The following DNAI1 variants were observed in gnomAD, a reference collection of about 807,000 sequenced individuals.
The protein encoded by DNAI1 is dynein, axonemal, intermediate polypeptide 1.
Under a neutral mutation model 92.0 loss-of-function variants are expected in DNAI1, and 67 were observed. That is an observed-to-expected ratio of 0.73 (90% CI 0.60 to 0.89). The LOEUF (loss-of-function observed/expected upper bound fraction) is 0.89, where lower values mean the gene tolerates loss of function less well. Ranked by LOEUF, DNAI1 falls within the 40% of genes least tolerant of loss-of-function variation. DNAI1 has a pLI of 0.00. For missense variants in DNAI1, 839 were observed against 866.6 expected, an observed-to-expected ratio of 0.97 and a Z score of 0.40; for synonymous variants, 323 against 319.6, an observed-to-expected ratio of 1.01 and a Z score of -0.11.
At chr9:34,461,317 A>G (rs1000298619) in intron 1 of DNAI1, among the ~76,000 whole-genome samples, 3 of 152,218 alleles carry the variant, frequency 2.0e-5, no homozygotes, top group African/African-American at 7.2e-5. Context: ...TTTGGTTTAC[A>G]TATAATAGAA....
At chr9:34,483,358 C>G in intron 1 of DNAI1, 90 bp from the exon 2 acceptor site, 1 of 1,325,596 alleles carries the variant, frequency 7.5e-7, no homozygotes, top group Non-Finnish European at 1.1e-6. Context: ...CTGTGAGATC[C>G]CTGGGCAGGA....
At chr9:34,483,247 G>A (rs1265390154) in intron 1 of DNAI1, among the ~76,000 whole-genome samples, 2 of 152,248 alleles carry the variant, frequency 1.3e-5, no homozygotes, top group Admixed American at 6.5e-5. Context: ...GGGGGCTGAA[G>A]GGCTCCTCAA....
chr9:34,475,492 G>A (rs1386293308), intron 1 of DNAI1, among the ~76,000 whole-genome samples: 1 of 152,178 alleles, frequency 6.6e-6, no homozygotes, highest in Non-Finnish European at 1.5e-5. Flanking sequence ...GATCCCATGT[G>A]ACTGACAGCA....
Position 34,506,854 on chromosome 9 carries a change from C to G in DNAI1, c.1291C>G (p.His431Asp), listed in dbSNP as rs756877115. The change falls in exon 13 of 20, where the codon CAC becomes GAC. Residue 431 changes from histidine (H) to aspartate (D), a missense_variant. His to Asp is a moderately conservative substitution (Grantham distance 81, BLOSUM62 -1). Transcript: ENST00000242317. ...CTGCAGCTCAGCCAAGTCTGGCAAG[C>G]ACTCAGACCCTGTGTGGCAGGTCAG... ...SFCSSAKSGK[H>D]SDPVWQVKWQ... 4.3e-5 allele frequency: 69 copies of G among 1,613,966 alleles called. No homozygotes were observed. Among genetic ancestry groups the G allele is most frequent in the Admixed American group, 3.3e-5 (2 of 59,994 alleles).
rs1825138931 is a variant in DNAI1, at chr9:34,514,653, A to G, written c.1732A>G (p.Ile578Val). The G allele has an allele frequency of 6.2e-7, 1 of 1,613,934 alleles. No homozygotes were observed. Among genetic ancestry groups the G allele is most frequent in the South Asian group, 1.1e-5 (1 of 91,076 alleles). ...CCACCTCTGCAGGACCCCGATGTTC[A>G]TCTATGACCTGAACTCAGCCGTGGG... is the stretch of plus-strand genomic sequence containing the variant. Reference protein sequence around the residue: ...WDHTIKTPMFIYDLNSAVGDV... With the variant: ...WDHTIKTPMFVYDLNSAVGDV... The change falls in exon 18 of 20, where the codon ATC (isoleucine) becomes GTC (valine). Residue 578 changes from isoleucine (I) to valine (V), a missense_variant. Coordinates refer to ENST00000242317, the MANE Select transcript of DNAI1 (RefSeq NM_012144.4).
In DNAI1 at chr9:34,491,555, G is replaced by A. The variant is rs532919927; in HGVS notation, c.681+1G>A. On this transcript the variant is annotated splice_donor_variant, in intron 8 of 19. Coordinates refer to ENST00000242317, the MANE Select transcript of DNAI1 (RefSeq NM_012144.4). LOFTEE classifies it high-confidence loss of function. The stretch of plus-strand genomic sequence containing the variant: ...AAACTTTTCAGCCACAGCCAATCAG[G>A]TAAGACCCTGGGCCAGCCTGAAACC... 1.2e-6 allele frequency: 2 copies of A among 1,614,188 alleles called. No homozygotes were observed. The highest frequency in any genetic ancestry group is 1.1e-5 in the South Asian group (1 of 91,080).
intron 4 of DNAI1, 88 bp from the exon 5 acceptor site, chr9:34,489,231 ACTGT>A: frequency 6.8e-7 from 1 of 1,463,538 alleles, no homozygotes; most frequent in Middle Eastern, 1.7e-4. Flanking sequence ...ACAAAGATGG[ACTGT>A]CTTTGATCTT....
chr9:34,483,489 T>G lies in DNAI1; in HGVS notation c.81+9T>G. ...GAGGAACCAGGAAGAGAGTAAGTGCTGAGACTACCATGGTCTCTCAGCAAG... is the reference window on the plus strand; with the variant it reads ...GAGGAACCAGGAAGAGAGTAAGTGCGGAGACTACCATGGTCTCTCAGCAAG... On this transcript the variant is annotated intron_variant, in intron 2 of 19. Coordinates refer to ENST00000242317, the MANE Select transcript of DNAI1 (RefSeq NM_012144.4). 2 of 1,611,670 alleles carry G rather than the reference T, an allele frequency of 1.2e-6. No individual in the cohort carries two copies. The highest frequency in any genetic ancestry group is 1.7e-6 in the Non-Finnish European group (2 of 1,179,254).
chr9:34,460,756 C>T (rs564530192), intron 1 of DNAI1, among the ~76,000 whole-genome samples: 11 of 152,220 alleles, frequency 7.2e-5, no homozygotes, highest in South Asian at 2.1e-4. Flanking sequence ...TCCACCTCCC[C>T]GATTCAAGGG....
At chr9:34,517,869 T>G (rs1344352083) in intron 19 of DNAI1, among the ~76,000 whole-genome samples, 1 of 152,084 alleles carries the variant, frequency 6.6e-6, no homozygotes, top group Non-Finnish European at 1.5e-5. Context: ...GCCCCAGTGG[T>G]CCCTGAGCTG....
At chr9:34,516,933 G>A (rs1825180580) in intron 18 of DNAI1, among the ~76,000 whole-genome samples, 1 of 151,632 alleles carries the variant, frequency 6.6e-6, no homozygotes, top group Non-Finnish European at 1.5e-5. Flanking sequence ...TAGAGACAGG[G>A]TTTCACCATG....
intron 16 of DNAI1, among the ~76,000 whole-genome samples, chr9:34,513,763 CA>C (rs1825117573): frequency 6.6e-6 from 1 of 152,186 alleles, no homozygotes; most frequent in African/African-American, 2.4e-5. Flanking sequence ...GGTCTGAATG[CA>C]AAAGAAGTCC....
At chr9:34,483,056 G>A (rs527427897) in intron 1 of DNAI1, among the ~76,000 whole-genome samples, 3 of 152,332 alleles carry the variant, frequency 2.0e-5, no homozygotes, top group East Asian at 1.9e-4. Flanking sequence ...TGGCTGCTCC[G>A]AGTGCGGGGC....
At chr9:34,497,090 A>G (rs1824740427) in intron 9 of DNAI1, 25 bp from the exon 10 acceptor site, 1 of 1,592,696 alleles carries the variant, frequency 6.3e-7, no homozygotes, top group Non-Finnish European at 8.6e-7. Flanking sequence ...GTTTATGAGG[A>G]CCTGAAGTTT....
intron 18 of DNAI1, among the ~76,000 whole-genome samples, chr9:34,516,826 G>A (rs1004666833): frequency 6.1e-5 from 9 of 147,418 alleles, no homozygotes; most frequent in South Asian, 2.2e-4. Flanking sequence ...TGTAACCTCC[G>A]CCTCCCAGGT....
At chr9:34,460,912 C>T (rs1021945410) in intron 1 of DNAI1, among the ~76,000 whole-genome samples, 2 of 152,044 alleles carry the variant, frequency 1.3e-5, no homozygotes, top group Non-Finnish European at 2.9e-5. Flanking sequence ...GTGATCTTGG[C>T]TCACTGCAAG....
chr9:34,485,272 G>A (rs371288960), intron 3 of DNAI1, 32 bp downstream of exon 3: 2 of 1,613,180 alleles, frequency 1.2e-6, no homozygotes, highest in Non-Finnish European at 1.7e-6. Flanking sequence ...CTTGCTCCTT[G>A]TACCTCTTCC....
chr9:34,466,760 C>T (rs1179008473), intron 1 of DNAI1, among the ~76,000 whole-genome samples: 2 of 152,226 alleles, frequency 1.3e-5, no homozygotes, highest in Non-Finnish European at 2.9e-5. Context: ...CTCACAGCCT[C>T]TCTATTTCTC....
At chr9:34,500,914 G>A in intron 11 of DNAI1, 75 bp downstream of exon 11, 1 of 1,199,890 alleles carries the variant, frequency 8.3e-7, no homozygotes, top group Non-Finnish European at 1.2e-6. Context: ...ACCCCCTTCT[G>A]CACTTAACCA....
Sources: gnomAD v4.1 joint callset for allele counts (sites outside exome capture counted in the v4.1 genomes callset) on GRCh38, gnomAD v4.1.1 for gene constraint, MANE v1.5 for transcripts, NCBI Gene and HGNC (gene_info 2026-07-23, HGNC 2026-07-21) for gene names.